BRWD1: variants seen among roughly 807,000 people sequenced by gnomAD.
BRWD1 encodes the protein bromodomain and WD repeat-containing protein 1.
BRWD1 carries 82 observed loss-of-function variants against 251.2 expected under a neutral mutation model. That is an observed-to-expected ratio of 0.33 (90% CI 0.27 to 0.39). BRWD1 has a LOEUF of 0.39. Ranked by LOEUF, BRWD1 falls within the 10% of genes least tolerant of loss-of-function variation. The pLI is 1.00. For synonymous variants in BRWD1, 918 were observed against 902.8 expected (o/e 1.02, Z -0.30); for missense variants, 2,233 against 2,711.6 (o/e 0.82, Z 3.92).
intron 12 of BRWD1, 41 bp downstream of exon 12, chr21:39,276,132 G>T: frequency 1.3e-6 from 2 of 1,545,132 alleles, no homozygotes; most frequent in East Asian, 2.3e-5. Flanking sequence ...CATTATATTT[G>T]CCTAATAACA....
intron 20 of BRWD1, among the ~76,000 whole-genome samples, chr21:39,248,654 A>C (rs1009780348): frequency 7.1e-5 from 4 of 56,444 alleles, no homozygotes; most frequent in South Asian, 5.3e-4. Context: ...AAAAAAAAAA[A>C]AAAAAAAAAA....
At position 39,190,670 on chromosome 21, in the gene BRWD1, A is replaced by G; in HGVS notation, c.*5589T>C. On this transcript the variant is annotated 3_prime_UTR_variant, in exon 41 of 41. Transcript: ENST00000342449. ...TTTATCAATGATCTTCATCCCTCCC[A>G]AAGCAGAAGTTTCCAAAAACATCCC... 1 of 985,382 alleles carries G rather than the reference A, an allele frequency of 1.0e-6. No individual in the cohort carries two copies. The allele number at this position is 985,382 out of a possible 1,614,324, so 61.0% of individuals were successfully genotyped here.
chr21:39,252,808 T>C (rs2034438956), intron 19 of BRWD1, among the ~76,000 whole-genome samples: 1 of 109,316 alleles, frequency 9.1e-6, no homozygotes, highest in Admixed American at 9.6e-5. Context: ...AATGACAACA[T>C]TCTGGTCAAT....
At chr21:39,276,304 GC>G (rs2035279759) in intron 11 of BRWD1, 91 bp from the exon 12 acceptor site, 1 of 1,137,110 alleles carries the variant, frequency 8.8e-7, no homozygotes, top group Non-Finnish European at 1.2e-6. Flanking sequence ...AAGCCTATTT[GC>G]TTTAACAAGC....
intron 31 of BRWD1, chr21:39,217,453 T>C: frequency 4.8e-6 from 1 of 207,850 alleles, no homozygotes; most frequent in Non-Finnish European, 9.7e-6. Context: ...TTCAGGAATA[T>C]CATATTCAAC....
At chr21:39,260,422 G>C (rs1299331594) in intron 17 of BRWD1, among the ~76,000 whole-genome samples, 1 of 152,018 alleles carries the variant, frequency 6.6e-6, no homozygotes, top group Non-Finnish European at 1.5e-5. Context: ...TTACAAGCGT[G>C]AGCCACTGCA....
rs1037432868 is a variant in BRWD1 at position 39,194,068 on chromosome 21, A to G, written c.*2191T>C. ...TGAAACCAAATCTGATTAAAAACCA[A>G]AATACCACTTCTGTATGCAAGGGTC... On this transcript the variant is annotated 3_prime_UTR_variant, in exon 41 of 41. Coordinates refer to ENST00000342449, the MANE Select transcript of BRWD1 (RefSeq NM_033656.4). The G allele has an allele frequency of 3.0e-6, 3 of 985,426 alleles. No individual in the cohort carries two copies. Among genetic ancestry groups the G allele is most frequent in the Non-Finnish European group, 3.6e-6 (3 of 829,738 alleles). 61.0% of individuals were successfully genotyped at this position (985,426 alleles called of 1,614,324 possible). A position where few individuals can be genotyped will look rare whatever the true frequency, so the allele number is the denominator to read the frequency against.
intron 4 of BRWD1, among the ~76,000 whole-genome samples, chr21:39,301,522 C>T (rs961962375): frequency 1.3e-5 from 2 of 152,152 alleles, no homozygotes; most frequent in Admixed American, 6.5e-5. Flanking sequence ...GCCAAAACTA[C>T]ATGAGCTTGG....
In BRWD1 at chr21:39,236,708, G is replaced by A. The variant is rs756446880; in HGVS notation, c.2653C>T (p.Arg885Cys). Residue 885 changes from arginine to cysteine, a missense_variant, in exon 23 of 41, where the codon CGT (arginine) becomes TGT (cysteine). Arg to Cys is a radical substitution (Grantham distance 180, BLOSUM62 -3). This residue lies in a region of BRWD1 where 214 missense variants were observed against 222.0 expected (regional missense o/e 0.96). Transcript: ENST00000342449. ...NLQPPLRTSC[R>C]RRITRFCSSS... ...CTACAAAATCGAGTAATTCGTCGAC[G>A]ACATGATGTTCTTAAAGGAGGCTGC... is the stretch of plus-strand genomic sequence containing the variant. The A allele has an allele frequency of 5.6e-6, 9 of 1,613,844 alleles. No homozygotes were observed. In the East Asian group the frequency reaches 6.7e-5, roughly 12 times the overall value.
intron 15 of BRWD1, among the ~76,000 whole-genome samples, chr21:39,265,483 T>A (rs2034891000): frequency 7.4e-6 from 1 of 135,502 alleles, no homozygotes; most frequent in Admixed American, 7.2e-5. Flanking sequence ...CAATCACTAT[T>A]CCAAAAAAAT....
At chr21:39,227,760 C>A in intron 27 of BRWD1, among the ~76,000 whole-genome samples, 1 of 152,024 alleles carries the variant, frequency 6.6e-6, no homozygotes, top group East Asian at 1.9e-4. Flanking sequence ...ATTGGGTATA[C>A]CAGAACATTT....
upstream of BRWD1, chr21:39,313,709 T>G (rs1601526393): frequency 2.8e-6 from 1 of 358,762 alleles, no homozygotes. Flanking sequence ...GGGGCGGGGG[T>G]TTGCGCCAAG....
chr21:39,218,390 TAA>T, intron 30 of BRWD1, 113 bp downstream of exon 30: 1 of 1,435,856 alleles, frequency 7.0e-7, no homozygotes, highest in Non-Finnish European at 9.3e-7. Flanking sequence ...AATTAAAAGA[TAA>T]CCAATACAAA....
intron 8 of BRWD1, among the ~76,000 whole-genome samples, chr21:39,281,210 A>G (rs1451171863): frequency 1.3e-5 from 2 of 152,230 alleles, no homozygotes. Context: ...TTTCAAGTAA[A>G]AACACCAGAA....
At chr21:39,285,991 C>T (rs1401947595) in intron 8 of BRWD1, among the ~76,000 whole-genome samples, 2 of 141,620 alleles carry the variant, frequency 1.4e-5, no homozygotes, top group Non-Finnish European at 3.0e-5. Flanking sequence ...TAAAAATTCA[C>T]ATAACATAAA....
At chr21:39,231,483 T>C (rs764327782) in intron 25 of BRWD1, among the ~76,000 whole-genome samples, 29 of 152,226 alleles carry the variant, frequency 1.9e-4, no homozygotes, top group Non-Finnish European at 3.5e-4. Context: ...ATTTTTTTTT[T>C]CCAGCTTTGT....
chr21:39,314,058 C>G (rs1477985070), upstream of BRWD1: 1 of 455,960 alleles, frequency 2.2e-6, no homozygotes, highest in African/African-American at 2.0e-5. Context: ...GCAAGGTCGC[C>G]CGCTCCGGGT....
chr21:39,221,762 A>G (rs2033186601), intron 29 of BRWD1, among the ~76,000 whole-genome samples: 1 of 152,084 alleles, frequency 6.6e-6, no homozygotes, highest in African/African-American at 2.4e-5. Flanking sequence ...ATGGCAAAAT[A>G]GCTGGGTGGC....
chr21:39,290,094 T>C (rs1276370529), intron 8 of BRWD1, among the ~76,000 whole-genome samples: 2 of 152,006 alleles, frequency 1.3e-5, no homozygotes, highest in African/African-American at 2.4e-5. Context: ...AGGGCTGCAA[T>C]GATTACTCAT....
Sources: gnomAD v4.1 joint callset for allele counts (sites outside exome capture counted in the v4.1 genomes callset) on GRCh38, gnomAD v4.1.1 for gene constraint, gnomAD v4.1.1 regional missense constraint, MANE v1.5 for transcripts, NCBI Gene and HGNC (gene_info 2026-07-23, HGNC 2026-07-21) for gene names.